BCHE: variants seen among roughly 807,000 people sequenced by gnomAD.
BCHE encodes cholinesterase.
Under a neutral mutation model 51.3 loss-of-function variants are expected in BCHE, and 48 were observed. That is an observed-to-expected ratio of 0.94 (90% CI 0.74 to 1.19). BCHE has a LOEUF of 1.19. BCHE is among the 50% of genes most tolerant of loss of function. The pLI is 0.00. For missense variants in BCHE, 847 were observed against 708.2 expected, an observed-to-expected ratio of 1.20 and a Z score of -2.23; for synonymous variants, 251 against 238.0, an observed-to-expected ratio of 1.05 and a Z score of -0.50.
chr3:165,773,217 A>C lies in BCHE; in HGVS notation c.*165T>G. Reference sequence around the variant, plus strand: ...ACGTTCTAGCCATTTGGGTTTTGAAATGCTAGGTAAAATACTAAGTTAAAG... The same window carrying C: ...ACGTTCTAGCCATTTGGGTTTTGAACTGCTAGGTAAAATACTAAGTTAAAG... On this transcript the variant is annotated 3_prime_UTR_variant, in exon 4 of 4. Transcript: ENST00000264381. 1.6e-6 allele frequency: 1 copy of C among 614,546 alleles called. No individual in the cohort carries two copies. The highest frequency in any genetic ancestry group is 2.7e-6 in the Non-Finnish European group (1 of 367,680). The allele number at this position is 614,546 out of a possible 1,614,324, so 38.1% of individuals were successfully genotyped here.
chr3:165,781,208 G>A (rs1468620935), intron 3 of BCHE, among the ~76,000 whole-genome samples: 4 of 152,154 alleles, frequency 2.6e-5, no homozygotes, highest in Admixed American at 1.3e-4. Flanking sequence ...CCAAGATCAC[G>A]TCATTGCACT....
At chr3:165,776,058 T>G (rs545009884) in intron 3 of BCHE, among the ~76,000 whole-genome samples, 5 of 152,032 alleles carry the variant, frequency 3.3e-5, no homozygotes, top group Admixed American at 6.6e-5. Flanking sequence ...TTAAAAACCA[T>G]GTAACTTAAG....
intron 2 of BCHE, 84 bp downstream of exon 2, chr3:165,829,433 C>T: frequency 4.2e-6 from 5 of 1,192,532 alleles, no homozygotes; most frequent in Middle Eastern, 1.9e-4. Context: ...TGTCTTTATA[C>T]TAAAGTCTAC....
At chr3:165,781,530 G>T (rs1712698267) in intron 3 of BCHE, among the ~76,000 whole-genome samples, 1 of 152,002 alleles carries the variant, frequency 6.6e-6, no homozygotes, top group Non-Finnish European at 1.5e-5. Context: ...TCATAAGTGG[G>T]AGCTGAACAA....
intron 2 of BCHE, among the ~76,000 whole-genome samples, chr3:165,815,514 A>G (rs1412589388): frequency 1.3e-5 from 2 of 152,110 alleles, no homozygotes; most frequent in South Asian, 4.1e-4. Flanking sequence ...ACAACCATGA[A>G]AGTGAAGTCC....
intron 2 of BCHE, among the ~76,000 whole-genome samples, chr3:165,797,189 G>C (rs116161205): frequency 0.045 from 2,121 of 46,692 alleles, 155 homozygotes; most frequent in Admixed American, 0.089. Flanking sequence ...TCCCTCCTTC[G>C]TTCTTCCCTC....
intron 1 of BCHE, 47 bp downstream of exon 1, chr3:165,837,267 C>G (rs1715220626): frequency 1.7e-6 from 2 of 1,163,130 alleles, no homozygotes; most frequent in African/African-American, 3.2e-5. Flanking sequence ...ATGAGCTTTA[C>G]AGTAACTTGG....
chr3:165,797,642 G>T (rs1383558953), intron 2 of BCHE, among the ~76,000 whole-genome samples: 2 of 151,942 alleles, frequency 1.3e-5, no homozygotes, highest in Non-Finnish European at 2.9e-5. Flanking sequence ...TTATAGATAA[G>T]AAAATAATCT....
intron 2 of BCHE, among the ~76,000 whole-genome samples, chr3:165,813,367 G>T (rs190055054): frequency 4.6e-5 from 7 of 151,060 alleles, no homozygotes; most frequent in South Asian, 2.1e-4. Context: ...ATAATATCTC[G>T]TTCTAAAATT....
At chr3:165,790,749 T>C (rs138902466) in intron 2 of BCHE, among the ~76,000 whole-genome samples, 264 of 152,110 alleles carry the variant, frequency 1.7e-3, no homozygotes, top group African/African-American at 6.2e-3. Flanking sequence ...ATGAGCCAAA[T>C]AGTTGTTTGG....
chr3:165,796,464 T>C (rs1027922278), intron 2 of BCHE, among the ~76,000 whole-genome samples: 39 of 152,190 alleles, frequency 2.6e-4, no homozygotes, highest in African/African-American at 9.2e-4. Context: ...TGAAGAGCCT[T>C]GTTCATATTG....
chr3:165,817,411 G>A (rs1425143354), intron 2 of BCHE, among the ~76,000 whole-genome samples: 1 of 151,992 alleles, frequency 6.6e-6, no homozygotes, highest in Non-Finnish European at 1.5e-5. Context: ...ATAACTAAAT[G>A]TCTCACTCAG....
chr3:165,796,715 C>T (rs1713392195), intron 2 of BCHE, among the ~76,000 whole-genome samples: 1 of 152,054 alleles, frequency 6.6e-6, no homozygotes, highest in Non-Finnish European at 1.5e-5. Flanking sequence ...TTAAAAGAGG[C>T]TTGTGTACTT....
At chr3:165,820,791 G>A (rs1415406939) in intron 2 of BCHE, among the ~76,000 whole-genome samples, 1 of 151,886 alleles carries the variant, frequency 6.6e-6, no homozygotes. Context: ...TCTGTTCTCT[G>A]CCCTTACCTC....
At chr3:165,834,299 T>A (rs2108238633) in intron 1 of BCHE, among the ~76,000 whole-genome samples, 1 of 152,156 alleles carries the variant, frequency 6.6e-6, no homozygotes, top group South Asian at 2.1e-4. Flanking sequence ...TAATATGGTA[T>A]GAATTAAAAT....
intron 2 of BCHE, among the ~76,000 whole-genome samples, chr3:165,828,928 A>C (rs4518174): frequency 0.88 from 134,361 of 151,984 alleles, 59,592 homozygotes; most frequent in East Asian, 0.92. Context: ...CTTAGCTAAA[A>C]CCTCATGGCC....
At chr3:165,773,988 G>A (rs1015863808) in intron 3 of BCHE, among the ~76,000 whole-genome samples, 1 of 151,788 alleles carries the variant, frequency 6.6e-6, no homozygotes, top group Non-Finnish European at 1.5e-5. Flanking sequence ...GACCTCTCAG[G>A]GATACCAAAA....
chr3:165,825,812 A>G (rs1714700649), intron 2 of BCHE, among the ~76,000 whole-genome samples: 1 of 152,138 alleles, frequency 6.6e-6, no homozygotes, highest in South Asian at 2.1e-4. Flanking sequence ...CAAGTCAATG[A>G]GAGATAAACC....
chr3:165,823,908 G>A (rs1714620980), intron 2 of BCHE, among the ~76,000 whole-genome samples: 1 of 149,474 alleles, frequency 6.7e-6, no homozygotes, highest in Admixed American at 6.8e-5. Context: ...CAGGTGTGTG[G>A]CACCATACCC....
Sources: gnomAD v4.1 joint callset for allele counts (sites outside exome capture counted in the v4.1 genomes callset) on GRCh38, gnomAD v4.1.1 for gene constraint, MANE v1.5 for transcripts, NCBI Gene and HGNC (gene_info 2026-07-23, HGNC 2026-07-21) for gene names.